ST3GAL2: variants seen among roughly 807,000 people sequenced by gnomAD.
The protein encoded by ST3GAL2 is ST3 beta-galactoside alpha-2,3-sialyltransferase 2.
A neutral mutation model predicts 37.5 loss-of-function variants in ST3GAL2; 16 were observed. That is an observed-to-expected ratio of 0.43 (90% CI 0.29 to 0.65). ST3GAL2 has a LOEUF of 0.65. Ranked by LOEUF, ST3GAL2 falls within the 30% of genes least tolerant of loss-of-function variation. The pLI is 0.17. For synonymous variants in ST3GAL2, 238 were observed against 202.9 expected, an observed-to-expected ratio of 1.17 and a Z score of -1.47; for missense variants, 383 against 487.8, an observed-to-expected ratio of 0.79 and a Z score of 2.02.
rs757910754 is a variant in ST3GAL2, at chr16:70,381,566, T to C, written c.*123A>G. ...CCGGCCGGTCCCCCAGTCTCGTGAT[T>C]GGCGGGGCACAGCAGACGCCCCTGG... is the stretch of plus-strand genomic sequence containing the variant. On this transcript the variant is annotated 3_prime_UTR_variant, in exon 7 of 7. Coordinates refer to ENST00000342907, the MANE Select transcript of ST3GAL2 (RefSeq NM_006927.4). 6 of 1,216,884 alleles carry C rather than the reference T, an allele frequency of 4.9e-6. No individual in the cohort carries two copies. Among genetic ancestry groups the C allele is most frequent in the Non-Finnish European group, 6.7e-6 (6 of 895,858 alleles). The allele number at this position is 1,216,884 out of a possible 1,614,324, so 75.4% of individuals were successfully genotyped here. A position where few individuals can be genotyped will look rare whatever the true frequency, so the allele number is the denominator to read the frequency against.
Position 70,408,890 on chromosome 16 carries a change from C to CAAAAAAAAAAAA in ST3GAL2, c.-1003-9369_-1003-9358dup, listed in dbSNP as rs59060353. ...TCCTGTAGGAGACAGCTCAAAGAAA[C>CAAAAAAAAAAAA]AAAAAAAAAAAAAAAAAAAAAAAAA... On this transcript the variant is annotated intron_variant, in intron 1 of 6. Transcript: ENST00000342907. Among the ~76,000 whole-genome samples the CAAAAAAAAAAAA allele has an allele frequency of 7.9e-3, 476 of 59,880 alleles. 52 individuals carry two copies. Among genetic ancestry groups the CAAAAAAAAAAAA allele is most frequent in the Non-Finnish European group, 0.011 (302 of 28,208 alleles). 39.3% of individuals were successfully genotyped at this position (59,880 alleles called of 152,430 possible). A position where few individuals can be genotyped will look rare whatever the true frequency, so the allele number is the denominator to read the frequency against.
chr16:70,437,347 G>GCCT (rs2047832179), intron 1 of ST3GAL2, among the ~76,000 whole-genome samples: 1 of 152,106 alleles, frequency 6.6e-6, no homozygotes, highest in Non-Finnish European at 1.5e-5. Flanking sequence ...GGCTGGGAAG[G>GCCT]GGGTTGCTGA....
At chr16:70,415,849 C>T (rs1451995025) in intron 1 of ST3GAL2, among the ~76,000 whole-genome samples, 7 of 136,682 alleles carry the variant, frequency 5.1e-5, no homozygotes, top group Non-Finnish European at 9.3e-5. Context: ...GATCTTGGCT[C>T]ACCGCAACCT....
intron 1 of ST3GAL2, among the ~76,000 whole-genome samples, chr16:70,431,097 G>C (rs971936464): frequency 4.0e-5 from 6 of 151,218 alleles, no homozygotes; most frequent in African/African-American, 1.5e-4. Flanking sequence ...GAGGGGGCGT[G>C]GGGGAGGCAG....
intron 1 of ST3GAL2, among the ~76,000 whole-genome samples, chr16:70,423,674 ATT>A (rs60635060): frequency 2.4e-4 from 31 of 127,940 alleles, no homozygotes; most frequent in Admixed American, 2.4e-4. Context: ...TGACTCAATG[ATT>A]TTTTTTTTTT....
intron 3 of ST3GAL2, among the ~76,000 whole-genome samples, chr16:70,392,092 C>A (rs1178113852): frequency 2.6e-5 from 4 of 152,264 alleles, no homozygotes; most frequent in Non-Finnish European, 5.9e-5. Context: ...CAGCCAGGGT[C>A]ACCCTGCCTC....
Position 70,381,563 on chromosome 16 carries a change from G to A in ST3GAL2, c.*126C>T. 2.5e-6 allele frequency: 3 copies of A among 1,199,910 alleles called. No homozygotes were observed. Among genetic ancestry groups the A allele is most frequent in the Non-Finnish European group, 3.4e-6 (3 of 880,378 alleles). 74.3% of individuals were successfully genotyped at this position (1,199,910 alleles called of 1,614,324 possible). The stretch of plus-strand genomic sequence containing the variant: ...GGCCCGGCCGGTCCCCCAGTCTCGT[G>A]ATTGGCGGGGCACAGCAGACGCCCC... On this transcript the variant is annotated 3_prime_UTR_variant, in exon 7 of 7. Coordinates refer to ENST00000342907, the MANE Select transcript of ST3GAL2 (RefSeq NM_006927.4).
Position 70,425,930 on chromosome 16 carries a change from G to A in ST3GAL2, c.-1004+13019C>T, listed in dbSNP as rs141285421. Among the ~76,000 whole-genome samples the A allele has an allele frequency of 1.1e-3, 165 of 152,284 alleles. 1 individual carries two copies. Among genetic ancestry groups the A allele is most frequent in the Non-Finnish European group, 1.8e-3 (124 of 68,024 alleles). On this transcript the variant is annotated intron_variant, in intron 1 of 6. Transcript: ENST00000342907. ...CAGCCAGGGAACTGCCCAGACGTGC[G>A]GATGGTGAGGGAGGCCCTGACTGCA...
chr16:70,412,106 C>G (rs894552815), intron 1 of ST3GAL2, among the ~76,000 whole-genome samples: 3 of 152,274 alleles, frequency 2.0e-5, no homozygotes, highest in Admixed American at 6.5e-5. Context: ...TTTCTTCTTA[C>G]TGAAGTACAT....
rs543617004 is a variant in ST3GAL2 at position 70,387,115 on chromosome 16, C to G, written c.713+1252G>C. 7.9e-5 allele frequency among the ~76,000 whole-genome samples: 12 copies of G among 151,684 alleles called. 1 individual carries two copies. The highest frequency in any genetic ancestry group is 7.9e-4 in the Admixed American group (12 of 15,246). ...CTAAAAATACAAAAATTAGCCAGGT[C>G]TGTGGTGACACATGCCTGTGATCCC... On this transcript the variant is annotated intron_variant, in intron 4 of 6. Transcript: ENST00000342907.
At chr16:70,397,247 T>C (rs964494151) in intron 2 of ST3GAL2, among the ~76,000 whole-genome samples, 11 of 150,636 alleles carry the variant, frequency 7.3e-5, no homozygotes, top group Non-Finnish European at 1.3e-4. Flanking sequence ...TTCACCACGT[T>C]GGTCAGGCTG....
Position 70,377,178 on chromosome 16 carries a change from TAAAAAAAAAAAAAA to T in ST3GAL2, c.*4497_*4510del, listed in dbSNP as rs34454921. ...CTGGGCGACAGGAGACCCTGTCTCT[TAAAAAAAAAAAAAA>T]AAAAAAAAAAAGGGTCTGGTGGCTC... On this transcript the variant is annotated 3_prime_UTR_variant, in exon 7 of 7. Coordinates refer to ENST00000342907, the MANE Select transcript of ST3GAL2 (RefSeq NM_006927.4). The T allele has an allele frequency of 1.1e-4, 9 of 85,494 alleles. No homozygotes were observed. Among genetic ancestry groups the T allele is most frequent in the African/African-American group, 5.5e-4 (9 of 16,262 alleles). The allele number at this position is 85,494 out of a possible 1,614,324, so 5.3% of individuals were successfully genotyped here. A position where few individuals can be genotyped will look rare whatever the true frequency, so the allele number is the denominator to read the frequency against.
chr16:70,404,340 G>C (rs995479643), intron 1 of ST3GAL2, among the ~76,000 whole-genome samples: 1 of 152,182 alleles, frequency 6.6e-6, no homozygotes, highest in Non-Finnish European at 1.5e-5. Flanking sequence ...TCAAGTGTTT[G>C]AAAAAGTAAG....
chr16:70,382,989 C>A, intron 5 of ST3GAL2, 65 bp from the exon 6 acceptor site: 1 of 1,594,084 alleles, frequency 6.3e-7, no homozygotes. Context: ...CTAGACTGAG[C>A]AGCTTCTACT....
chr16:70,408,249 C>T lies in ST3GAL2; in HGVS notation c.-1003-8716G>A, dbSNP rs557227719. On this transcript the variant is annotated intron_variant, in intron 1 of 6. Transcript: ENST00000342907. ...TTCAAGCCCAGAGCTCCTTCCACAG[C>T]CCCCACTGCCTTCCCAAAGCACTCT... is the stretch of plus-strand genomic sequence containing the variant. Among the ~76,000 whole-genome samples the T allele has an allele frequency of 7.2e-5, 11 of 152,240 alleles. No homozygotes were observed. In the South Asian group the frequency reaches 2.3e-3, roughly 32 times the overall value.
intron 6 of ST3GAL2, among the ~76,000 whole-genome samples, chr16:70,382,543 C>A (rs1200073525): frequency 6.6e-6 from 1 of 152,190 alleles, no homozygotes; most frequent in Admixed American, 6.5e-5. Flanking sequence ...CTCAGCTTCC[C>A]AAAGTGCTGG....
In ST3GAL2 at chr16:70,384,705, CAAAAAAAAAAAA is replaced by C. The variant is rs34907504; in HGVS notation, c.714-1482_714-1471del. Among the ~76,000 whole-genome samples the C allele has an allele frequency of 5.8e-5, 4 of 69,114 alleles. No homozygotes were observed. The Admixed American group carries it at 6.4e-4, about 11-fold the overall frequency. The allele number at this position is 69,114 out of a possible 152,430, so 45.3% of individuals were successfully genotyped here. On this transcript the variant is annotated intron_variant, in intron 4 of 6. Transcript: ENST00000342907. ...CTGGCGACAGAGCGAAACTCTGTCT[CAAAAAAAAAAAA>C]AAAAAAAAACACAATAGTCAAATCA...
In ST3GAL2 at chr16:70,377,151, G is replaced by C. The variant is rs1193287656; in HGVS notation, c.*4538C>G. 1.4e-5 allele frequency: 2 copies of C among 141,338 alleles called. No individual in the cohort carries two copies. The highest frequency in any genetic ancestry group is 3.0e-5 in the Non-Finnish European group (2 of 66,786). 8.8% of individuals were successfully genotyped at this position (141,338 alleles called of 1,614,324 possible). A position where few individuals can be genotyped will look rare whatever the true frequency, so the allele number is the denominator to read the frequency against. ...TGAGGCTGCAGTGAGCTCTGCACCA[G>C]TCTGGGCGACAGGAGACCCTGTCTC... On this transcript the variant is annotated 3_prime_UTR_variant, in exon 7 of 7. Coordinates refer to ENST00000342907, the MANE Select transcript of ST3GAL2 (RefSeq NM_006927.4).
In ST3GAL2 at chr16:70,419,165, T is replaced by C. The variant is rs534626090; in HGVS notation, c.-1003-19632A>G. Among the ~76,000 whole-genome samples the C allele has an allele frequency of 2.6e-4, 39 of 152,312 alleles. 1 individual carries two copies. Among genetic ancestry groups the C allele is most frequent in the African/African-American group, 9.1e-4 (38 of 41,572 alleles). ...GGCCACCCTGGAAAAGGCTCAGGCC[T>C]GCTAGACCCCAGCAGGGGCTGATGG... On this transcript the variant is annotated intron_variant, in intron 1 of 6. Coordinates refer to ENST00000342907, the MANE Select transcript of ST3GAL2 (RefSeq NM_006927.4).
Sources: allele counts gnomAD v4.1 joint callset (sites outside exome capture counted in the v4.1 genomes callset), GRCh38; gene constraint gnomAD v4.1.1; transcripts MANE v1.5; gene names NCBI Gene and HGNC (gene_info 2026-07-23, HGNC 2026-07-21).